CPM: variants seen among roughly 807,000 people sequenced by gnomAD.
The protein encoded by CPM is carboxypeptidase M, also known as renal carboxypeptidase.
CPM carries 35 observed loss-of-function variants against 46.4 expected under a neutral mutation model. That is an observed-to-expected ratio of 0.75 (90% CI 0.58 to 1.00). CPM has a LOEUF of 1.00. Ranked by LOEUF, CPM falls within the 50% of genes least tolerant of loss-of-function variation. The pLI is 0.00. For synonymous variants in CPM, 195 were observed against 195.3 expected, an observed-to-expected ratio of 1.00 and a Z score of 0.01; for missense variants, 422 against 530.4, an observed-to-expected ratio of 0.80 and a Z score of 2.01.
At chr12:68,921,021 A>C (rs930017498) in intron 2 of CPM, among the ~76,000 whole-genome samples, 3 of 151,354 alleles carry the variant, frequency 2.0e-5, no homozygotes, top group African/African-American at 7.3e-5. Flanking sequence ...CTCTTGGGGG[A>C]AAAAAGGCCT....
intron 2 of CPM, among the ~76,000 whole-genome samples, chr12:68,899,178 T>C (rs751488312): frequency 6.6e-6 from 1 of 152,122 alleles, no homozygotes; most frequent in Non-Finnish European, 1.5e-5. Context: ...ATTCAGAAAG[T>C]GGAAGGGGCT....
chr12:68,922,953 G>A (rs1042504190), intron 2 of CPM, among the ~76,000 whole-genome samples: 47 of 152,172 alleles, frequency 3.1e-4, no homozygotes, highest in African/African-American at 1.1e-3. Context: ...CTCTTGCTGT[G>A]TTGCCCAGGC....
intron 1 of CPM, chr12:68,957,714 T>C (rs1225938458): frequency 1.6e-5 from 2 of 127,306 alleles, no homozygotes; most frequent in East Asian, 2.0e-4. Flanking sequence ...TATTATACTT[T>C]AAGTTCTAGG....
chr12:68,916,888 C>CAAAA (rs779418018), intron 2 of CPM, among the ~76,000 whole-genome samples: 4,997 of 81,838 alleles, frequency 0.061, 242 homozygotes, highest in African/African-American at 0.13. Context: ...ACTCTTGTCT[C>CAAAA]AAAAAAAAAA....
intron 7 of CPM, among the ~76,000 whole-genome samples, chr12:68,863,717 C>G (rs560055653): frequency 6.6e-6 from 1 of 152,148 alleles, no homozygotes; most frequent in African/African-American, 2.4e-5. Flanking sequence ...CTTGGCAAGG[C>G]CCTTCCACTA....
At chr12:68,920,691 T>C (rs942978433) in intron 2 of CPM, among the ~76,000 whole-genome samples, 4 of 146,880 alleles carry the variant, frequency 2.7e-5, no homozygotes, top group Non-Finnish European at 5.9e-5. Context: ...CTTTTTCTTT[T>C]TCTTTTTCTT....
intron 2 of CPM, among the ~76,000 whole-genome samples, chr12:68,893,127 A>G (rs551138699): frequency 1.5e-5 from 2 of 136,698 alleles, no homozygotes; most frequent in Non-Finnish European, 3.1e-5. Context: ...CAGAACTTAA[A>G]TTAAAAAAAA....
intron 1 of CPM, chr12:68,963,024 C>G (rs1157082919): frequency 6.5e-6 from 1 of 152,698 alleles, no homozygotes; most frequent in Admixed American, 6.5e-5. Context: ...ACCTTAGGCA[C>G]ATAGGCAGGG....
At chr12:68,925,710 C>T (rs1888230303) in intron 2 of CPM, among the ~76,000 whole-genome samples, 1 of 152,044 alleles carries the variant, frequency 6.6e-6, no homozygotes, top group South Asian at 2.1e-4. Flanking sequence ...TTTTAATTTT[C>T]TTTTTGGTGC....
At chr12:68,945,557 C>G (rs919743591) in intron 1 of CPM, among the ~76,000 whole-genome samples, 1 of 152,150 alleles carries the variant, frequency 6.6e-6, no homozygotes, top group African/African-American at 2.4e-5. Context: ...AACCATTTTG[C>G]AGTTGTCTGT....
At chr12:68,901,330 C>A (rs1457282373) in intron 2 of CPM, among the ~76,000 whole-genome samples, 1 of 152,110 alleles carries the variant, frequency 6.6e-6, no homozygotes, top group East Asian at 1.9e-4. Context: ...GATTTAGGAG[C>A]CAGAGAGGTC....
chr12:68,961,118 TC>T (rs1250423931), intron 1 of CPM, among the ~76,000 whole-genome samples: 10 of 151,670 alleles, frequency 6.6e-5, no homozygotes, highest in African/African-American at 2.4e-4. Flanking sequence ...ATGAGAAGAG[TC>T]ATGAGAAAAA....
At chr12:68,876,894 G>A (rs1795479) in intron 3 of CPM, among the ~76,000 whole-genome samples, 6,128 of 119,424 alleles carry the variant, frequency 0.051, 247 homozygotes, top group African/African-American at 0.19. Context: ...ACGCGCATGC[G>A]TGTGTGTGTG....
intron 1 of CPM, among the ~76,000 whole-genome samples, chr12:68,941,994 CCA>C (rs1397411312): frequency 6.6e-6 from 1 of 152,208 alleles, no homozygotes; most frequent in Non-Finnish European, 1.5e-5. Flanking sequence ...CCCTAAACTA[CCA>C]CGGGTGATGT....
chr12:68,933,459 G>A (rs2136325970), upstream of CPM, among the ~76,000 whole-genome samples: 1 of 152,296 alleles, frequency 6.6e-6, no homozygotes, highest in African/African-American at 2.4e-5. Context: ...GTGTGTCCTC[G>A]CCTCGGCCAC....
downstream of CPM, chr12:68,849,399 T>TTGG (rs796284652): frequency 7.7e-6 from 1 of 129,090 alleles, no homozygotes. Context: ...CGTTTTTTTT[T>TTGG]TTGTTGTTGT....
chr12:68,948,239 C>T (rs565251893), intron 1 of CPM, among the ~76,000 whole-genome samples: 6 of 152,162 alleles, frequency 3.9e-5, no homozygotes, highest in African/African-American at 4.8e-5. Flanking sequence ...AGATAAATAC[C>T]GCTAACAATT....
chr12:68,931,764 A>AG (rs1888517779), intron 2 of CPM, among the ~76,000 whole-genome samples: 2 of 102,198 alleles, frequency 2.0e-5, no homozygotes, highest in Non-Finnish European at 4.3e-5. Context: ...AAAAAAAAAA[A>AG]AAGAAAGAAA....
At chr12:68,963,169 C>G (rs1889150404) in exon 1 of CPM, 1 of 167,192 alleles carries the variant, frequency 6.0e-6, no homozygotes, top group African/African-American at 2.4e-5. Flanking sequence ...TCGGACCTAC[C>G]TTGTTTGATT....
Sources: gnomAD v4.1 joint callset for allele counts (sites outside exome capture counted in the v4.1 genomes callset) on GRCh38, gnomAD v4.1.1 for gene constraint, MANE v1.5 for transcripts, NCBI Gene and HGNC (gene_info 2026-07-23, HGNC 2026-07-21) for gene names.